Variants in PKHD1 observed in about 807,000 individuals in gnomAD.
The protein encoded by PKHD1 is fibrocystin.
In PKHD1, 291 loss-of-function variants were observed where a neutral mutation model predicts 412.0. The ratio of observed to expected loss-of-function variants is 0.71; its 90% CI spans 0.64 to 0.78. The LOEUF (loss-of-function observed/expected upper bound fraction) is 0.78, where lower values mean the gene tolerates loss of function less well. PKHD1 is among the 30% of genes least tolerant of loss of function. PKHD1 has a pLI of 0.00. For synonymous variants in PKHD1, 1,777 were observed against 1,821.5 expected, an observed-to-expected ratio of 0.98 and a Z score of 0.62; for missense variants, 4,825 against 4,950.7, an observed-to-expected ratio of 0.97 and a Z score of 0.76.
intron 50 of PKHD1, among the ~76,000 whole-genome samples, chr6:51,842,593 C>T (rs560951183): frequency 1.3e-5 from 2 of 152,220 alleles, no homozygotes; most frequent in East Asian, 3.9e-4. Context: ...TCAACCTCCC[C>T]CCGCCTCCCT....
chr6:51,846,215 G>T (rs913763209), intron 50 of PKHD1, among the ~76,000 whole-genome samples: 2 of 152,078 alleles, frequency 1.3e-5, no homozygotes, highest in African/African-American at 4.8e-5. Context: ...AAAGACCAAG[G>T]GAGCACCAGA....
At chr6:51,771,878 A>G (rs571770524) in intron 55 of PKHD1, among the ~76,000 whole-genome samples, 1 of 152,102 alleles carries the variant, frequency 6.6e-6, no homozygotes, top group African/African-American at 2.4e-5. Context: ...ATCTTCCCAC[A>G]TGTGATGGTG....
chr6:51,664,021 T>C (rs1263263490), intron 60 of PKHD1, among the ~76,000 whole-genome samples: 2 of 152,180 alleles, frequency 1.3e-5, no homozygotes, highest in Admixed American at 6.6e-5. Context: ...CCATTCCTTA[T>C]GACAGGTAAC....
chr6:52,084,039 C>T (rs1248227082), intron 2 of PKHD1, among the ~76,000 whole-genome samples: 1 of 151,902 alleles, frequency 6.6e-6, no homozygotes, highest in Admixed American at 6.6e-5. Flanking sequence ...AGATCACCAG[C>T]TAAGCATGGG....
intron 60 of PKHD1, chr6:51,721,446 G>T: frequency 1.4e-6 from 1 of 708,348 alleles, no homozygotes; most frequent in Non-Finnish European, 1.7e-6. Flanking sequence ...TGGTAAAGAA[G>T]AGAGAAATAA....
chr6:51,637,343 T>C (rs1478959063), intron 64 of PKHD1, among the ~76,000 whole-genome samples: 1 of 152,212 alleles, frequency 6.6e-6, no homozygotes, highest in East Asian at 1.9e-4. Flanking sequence ...ACGTTTGTTA[T>C]GAACCTGTAC....
intron 55 of PKHD1, among the ~76,000 whole-genome samples, chr6:51,759,645 G>C (rs1787644940): frequency 6.6e-6 from 1 of 151,316 alleles, no homozygotes; most frequent in Non-Finnish European, 1.5e-5. Context: ...ACTTTTACTT[G>C]TACTTTCGAC....
At chr6:51,926,541 T>TG (rs2127737128) in intron 37 of PKHD1, among the ~76,000 whole-genome samples, 1 of 152,270 alleles carries the variant, frequency 6.6e-6, no homozygotes, top group Non-Finnish European at 1.5e-5. Flanking sequence ...CTGCTGTACT[T>TG]GGATTATTGA....
intron 57 of PKHD1, among the ~76,000 whole-genome samples, chr6:51,749,542 T>C: frequency 6.6e-6 from 1 of 152,318 alleles, no homozygotes; most frequent in Middle Eastern, 3.4e-3. Flanking sequence ...GTGAATTAAA[T>C]ACTTTAACTC....
chr6:51,733,761 T>C (rs970114434), intron 60 of PKHD1, among the ~76,000 whole-genome samples: 4 of 152,148 alleles, frequency 2.6e-5, no homozygotes, highest in African/African-American at 9.7e-5. Context: ...GAAAGACTTA[T>C]ATGAAACCTG....
intron 43 of PKHD1, among the ~76,000 whole-genome samples, chr6:51,895,900 G>A (rs912413279): frequency 2.6e-5 from 4 of 152,100 alleles, no homozygotes; most frequent in Admixed American, 6.5e-5. Flanking sequence ...CAAACAAAGG[G>A]GTGATGGACG....
chr6:51,822,425 T>C (rs1030295221), intron 52 of PKHD1, among the ~76,000 whole-genome samples: 3 of 152,278 alleles, frequency 2.0e-5, no homozygotes, highest in East Asian at 3.9e-4. Context: ...TGCCTTGCCT[T>C]CTGCTGTCCT....
intron 52 of PKHD1, among the ~76,000 whole-genome samples, chr6:51,817,839 CCCCT>C (rs10543943): frequency 0.92 from 140,023 of 151,984 alleles, 65,636 homozygotes; most frequent in East Asian, 1. Context: ...GCCATTTGCA[CCCCT>C]TGCTGACCAC....
At chr6:51,834,392 T>A (rs1317684548) in intron 51 of PKHD1, among the ~76,000 whole-genome samples, 1 of 152,148 alleles carries the variant, frequency 6.6e-6, no homozygotes, top group Non-Finnish European at 1.5e-5. Flanking sequence ...TGGATGTTCT[T>A]ATATGACCAT....
chr6:51,640,544 G>T (rs1458668241), intron 63 of PKHD1, among the ~76,000 whole-genome samples: 4 of 152,124 alleles, frequency 2.6e-5, no homozygotes, highest in Admixed American at 2.0e-4. Context: ...GATCATGCTG[G>T]TATAAACAGT....
chr6:51,852,223 C>G (rs1265740033), intron 49 of PKHD1, among the ~76,000 whole-genome samples: 2 of 152,140 alleles, frequency 1.3e-5, no homozygotes, highest in Non-Finnish European at 2.9e-5. Flanking sequence ...GAGTGAGTTT[C>G]TTAATCCTGA....
chr6:52,008,599 C>G (rs1038827108), intron 35 of PKHD1, among the ~76,000 whole-genome samples: 1 of 152,098 alleles, frequency 6.6e-6, no homozygotes, highest in African/African-American at 2.4e-5. Context: ...ATGATCTGGT[C>G]AAAGCAGCAA....
chr6:52,002,738 G>A (rs1337884622), intron 35 of PKHD1, among the ~76,000 whole-genome samples: 1 of 152,082 alleles, frequency 6.6e-6, no homozygotes, highest in Non-Finnish European at 1.5e-5. Context: ...GGACAAAATT[G>A]TTTTTTGATT....
intron 27 of PKHD1, 112 bp downstream of exon 27, chr6:52,042,747 G>GAC (rs1805116977): frequency 3.1e-6 from 3 of 976,314 alleles, no homozygotes; most frequent in Non-Finnish European, 4.8e-6. Flanking sequence ...GTAAACAAAA[G>GAC]ACAGTGAGTC....
Sources: gnomAD v4.1 joint callset for allele counts (sites outside exome capture counted in the v4.1 genomes callset) on GRCh38, gnomAD v4.1.1 for gene constraint, MANE v1.5 for transcripts, NCBI Gene and HGNC (gene_info 2026-07-23, HGNC 2026-07-21) for gene names.